AATF: variants seen among roughly 807,000 people sequenced by gnomAD.
AATF encodes the protein protein AATF.
AATF carries 48 observed loss-of-function variants against 63.7 expected under a neutral mutation model. That is an observed-to-expected ratio of 0.75 (90% confidence interval 0.60 to 0.96). The LOEUF (loss-of-function observed/expected upper bound fraction) is 0.96, where lower values mean the gene tolerates loss of function less well. AATF is among the 40% of genes least tolerant of loss of function. The pLI is 0.00. For synonymous variants in AATF, 258 were observed against 247.7 expected, an observed-to-expected ratio of 1.04 and a Z score of -0.39; for missense variants, 639 against 685.7, an observed-to-expected ratio of 0.93 and a Z score of 0.76.
intron 4 of AATF, among the ~76,000 whole-genome samples, chr17:36,975,426 G>A (rs749824951): frequency 5.9e-4 from 89 of 152,014 alleles, no homozygotes; most frequent in Non-Finnish European, 1.1e-3. Flanking sequence ...TACTGTATGC[G>A]TACTTCATAT....
intron 8 of AATF, among the ~76,000 whole-genome samples, chr17:37,007,536 A>C (rs1448078703): frequency 6.6e-6 from 1 of 151,980 alleles, no homozygotes; most frequent in Non-Finnish European, 1.5e-5. Flanking sequence ...CACTGTATGC[A>C]AAGGCAGTGG....
chr17:37,046,006 A>G (rs2071687064), intron 11 of AATF: 1 of 151,516 alleles, frequency 6.6e-6, no homozygotes, highest in South Asian at 2.1e-4. Context: ...GATTGAGAGC[A>G]GCCTTTTTTT....
chr17:36,976,970 T>C (rs1475662664), intron 4 of AATF, among the ~76,000 whole-genome samples: 1 of 152,188 alleles, frequency 6.6e-6, no homozygotes, highest in Non-Finnish European at 1.5e-5. Context: ...TCTAAGATAA[T>C]CGGGAGTAGC....
chr17:36,950,422 G>T lies in AATF; in HGVS notation c.283+17G>T, dbSNP rs768396823. The stretch of plus-strand genomic sequence containing the variant: ...GATCGTCTGGTGAGTAGACATTTTT[G>T]AATGGAACTCTTCTCTTCCCTAATT... On this transcript the variant is annotated intron_variant, in intron 2 of 11. Coordinates refer to ENST00000619387, the MANE Select transcript of AATF (RefSeq NM_012138.4). 5.0e-6 allele frequency: 8 copies of T among 1,608,514 alleles called. No individual in the cohort carries two copies. The highest frequency in any genetic ancestry group is 1.7e-5 in the Admixed American group (1 of 59,744).
At chr17:36,993,091 C>T (rs2092137664) in intron 8 of AATF, among the ~76,000 whole-genome samples, 1 of 152,200 alleles carries the variant, frequency 6.6e-6, no homozygotes, top group South Asian at 2.1e-4. Context: ...AGTCTTGAAA[C>T]CCTGCAGATT....
chr17:36,978,803 G>A (rs924155091), intron 4 of AATF, among the ~76,000 whole-genome samples: 1 of 151,550 alleles, frequency 6.6e-6, no homozygotes, highest in African/African-American at 2.4e-5. Flanking sequence ...TACTGGTAAC[G>A]CCATTCTGCT....
In AATF at chr17:36,995,857, G is replaced by A. The variant is rs1296656918; in HGVS notation, c.1398+5000G>A. ...TGCTAAGATTACAGGTGTGAGCCAC[G>A]GCACCCAGCCTGGCAGGATGATATT... On this transcript the variant is annotated intron_variant, in intron 8 of 11. Coordinates refer to ENST00000619387, the MANE Select transcript of AATF (RefSeq NM_012138.4). 6.6e-5 allele frequency among the ~76,000 whole-genome samples: 10 copies of A among 151,988 alleles called. No individual in the cohort carries two copies. In the South Asian group the frequency reaches 1.5e-3, roughly 22 times the overall value.
chr17:36,988,777 G>A lies in AATF; in HGVS notation c.1149+57G>A, dbSNP rs1324849910. 3 of 1,543,670 alleles carry A rather than the reference G, an allele frequency of 1.9e-6. No individual in the cohort carries two copies. The South Asian group carries it at 3.5e-5, about 18-fold the overall frequency. On this transcript the variant is annotated intron_variant, in intron 6 of 11. Coordinates refer to ENST00000619387, the MANE Select transcript of AATF (RefSeq NM_012138.4). Reference sequence around the variant, plus strand: ...AGATAGGTTGTGGCAACTTGAAGAAGTTTTAAGAAATTGGAACTACAGCTC... The same window carrying A: ...AGATAGGTTGTGGCAACTTGAAGAAATTTTAAGAAATTGGAACTACAGCTC...
At chr17:36,951,815 A>G (rs1231834611) in intron 2 of AATF, among the ~76,000 whole-genome samples, 1 of 152,186 alleles carries the variant, frequency 6.6e-6, no homozygotes, top group Non-Finnish European at 1.5e-5. Context: ...TTTGTGTCTT[A>G]AGTTTATATA....
At chr17:37,015,277 G>C (rs922039742) in intron 8 of AATF, among the ~76,000 whole-genome samples, 3 of 152,114 alleles carry the variant, frequency 2.0e-5, no homozygotes, top group Non-Finnish European at 4.4e-5. Flanking sequence ...TGTTTGCTTT[G>C]TTTTCTATAT....
At chr17:36,950,568 C>T (rs2070847379) in intron 2 of AATF, among the ~76,000 whole-genome samples, 163 bp downstream of exon 2, 1 of 152,122 alleles carries the variant, frequency 6.6e-6, no homozygotes, top group Non-Finnish European at 1.5e-5. Flanking sequence ...GGCGCCATCT[C>T]GGCTCACCGC....
Position 36,950,202 on chromosome 17 carries a change from C to T in AATF, c.92-12C>T. ...CTGGAGATTCTGTTTACTTTTCCCT[C>T]TCCCCCGACAGCCACTGCTGCCAGG... is the stretch of plus-strand genomic sequence containing the variant. On this transcript the variant is annotated splice_polypyrimidine_tract_variant and intron_variant, in intron 1 of 11. Transcript: ENST00000619387. 6.2e-7 allele frequency: 1 copy of T among 1,610,006 alleles called. No homozygotes were observed.
intron 4 of AATF, among the ~76,000 whole-genome samples, chr17:36,982,280 ACT>A (rs2071132432): frequency 7.5e-6 from 1 of 133,494 alleles, no homozygotes; most frequent in African/African-American, 2.8e-5. Context: ...ATTATAGATG[ACT>A]CTTTTCTATA....
intron 8 of AATF, among the ~76,000 whole-genome samples, chr17:37,018,198 C>T (rs1048313531): frequency 1.3e-5 from 2 of 152,204 alleles, no homozygotes; most frequent in African/African-American, 2.4e-5. Context: ...TGCTTCTCTT[C>T]GCCCAAGGAC....
At chr17:37,017,060 A>C (rs2071434202) in intron 8 of AATF, among the ~76,000 whole-genome samples, 1 of 152,230 alleles carries the variant, frequency 6.6e-6, no homozygotes, top group Non-Finnish European at 1.5e-5. Flanking sequence ...GGAATTGCAG[A>C]GACCACTGCA....
At chr17:37,031,944 TGA>T (rs2071555112) in intron 11 of AATF, among the ~76,000 whole-genome samples, 1 of 152,216 alleles carries the variant, frequency 6.6e-6, no homozygotes, top group African/African-American at 2.4e-5. Flanking sequence ...CTGGGACATG[TGA>T]GCTCTCTAGG....
chr17:37,001,537 C>T (rs1366823646), intron 8 of AATF, among the ~76,000 whole-genome samples: 2 of 150,674 alleles, frequency 1.3e-5, no homozygotes, highest in Non-Finnish European at 3.0e-5. Flanking sequence ...GTTAGTTTAA[C>T]ATCAAGAATC....
Position 37,019,084 on chromosome 17 carries a change from A to G in AATF, c.1466+12A>G. The G allele has an allele frequency of 6.2e-7, 1 of 1,612,762 alleles. No homozygotes were observed. The highest frequency in any genetic ancestry group is 8.5e-7 in the Non-Finnish European group (1 of 1,178,762). Reference sequence around the variant, plus strand: ...GTGGCCATGGGAAGGTAATTTAGATACAGCTTTCTGTTCATGCAAGCAGCC... The same window carrying G: ...GTGGCCATGGGAAGGTAATTTAGATGCAGCTTTCTGTTCATGCAAGCAGCC... On this transcript the variant is annotated intron_variant, in intron 9 of 11. Transcript: ENST00000619387.
At chr17:37,040,263 T>C (rs964180158) in intron 11 of AATF, among the ~76,000 whole-genome samples, 4 of 152,238 alleles carry the variant, frequency 2.6e-5, no homozygotes, top group African/African-American at 9.6e-5. Flanking sequence ...CAGTGATCAC[T>C]GAGCCAACAG....
Sources: gnomAD v4.1 joint callset for allele counts (sites outside exome capture counted in the v4.1 genomes callset) on GRCh38, gnomAD v4.1.1 for gene constraint, MANE v1.5 for transcripts, NCBI Gene and HGNC (gene_info 2026-07-23, HGNC 2026-07-21) for gene names.